PCDHA2: variants seen among roughly 807,000 people sequenced by gnomAD.
PCDHA2 encodes the protein protocadherin alpha 2.
In PCDHA2, 58 loss-of-function variants were observed where a neutral mutation model predicts 66.0. The observed-to-expected ratio is 0.88, with a 90% CI of 0.71 to 1.09. The LOEUF (loss-of-function observed/expected upper bound fraction) is 1.09, where lower values mean the gene tolerates loss of function less well. PCDHA2 is among the 50% of genes least tolerant of loss of function. The pLI, the probability that PCDHA2 is intolerant of heterozygous loss-of-function variation, is 0.00. For synonymous variants in PCDHA2, 634 were observed against 554.0 expected, an observed-to-expected ratio of 1.14 and a Z score of -2.03; for missense variants, 1,267 against 1,242.3, an observed-to-expected ratio of 1.02 and a Z score of -0.30.
chr5:140,926,170 C>T lies in PCDHA2; in HGVS notation c.2389-52779C>T, dbSNP rs558750358. 2.6e-5 allele frequency among the ~76,000 whole-genome samples: 4 copies of T among 151,860 alleles called. No homozygotes were observed. In the South Asian group the frequency reaches 6.6e-4, roughly 25 times the overall value. On this transcript the variant is annotated intron_variant, in intron 1 of 3. Coordinates refer to ENST00000526136, the MANE Select transcript of PCDHA2 (RefSeq NM_018905.3). ...CGGAAAGCTCTGCAGCAGGATCCAG[C>T]GCGGAAAGCCCCCCGCAGCACTTCT...
intron 1 of PCDHA2, among the ~76,000 whole-genome samples, chr5:140,964,891 G>A (rs76642459): frequency 0.016 from 2,494 of 152,302 alleles, 68 homozygotes; most frequent in African/African-American, 0.056. Context: ...AGTGATAGGA[G>A]GCTGGGCGCT....
At chr5:140,866,727 T>C (rs1254232410) in intron 1 of PCDHA2, 1 of 152,170 alleles carries the variant, frequency 6.6e-6, no homozygotes, top group East Asian at 1.9e-4. Context: ...CATTAAACTA[T>C]GCACTCTAAT....
rs2150411102 is a variant in PCDHA2, at chr5:140,848,487, G to A, written c.2388+51135G>A. 8 of 1,574,380 alleles carry A rather than the reference G, an allele frequency of 5.1e-6. No individual in the cohort carries two copies. The Admixed American group carries it at 1.2e-4, about 24-fold the overall frequency. On this transcript the variant is annotated intron_variant, in intron 1 of 3. Coordinates refer to ENST00000526136, the MANE Select transcript of PCDHA2 (RefSeq NM_018905.3). ...TTTTCACTAATTAGAAGAAGACTGA[G>A]TATTTGAAATGTTATACTCAAGTCG...
At chr5:140,828,164 A>T in intron 1 of PCDHA2, 2 of 1,614,130 alleles carry the variant, frequency 1.2e-6, no homozygotes, top group Non-Finnish European at 1.7e-6. Flanking sequence ...CGCAGCCTGG[A>T]AGGTGGGGAG....
At chr5:140,994,788 C>A (rs139745274) in intron 3 of PCDHA2, among the ~76,000 whole-genome samples, 6 of 152,076 alleles carry the variant, frequency 3.9e-5, no homozygotes, top group Admixed American at 3.9e-4. Flanking sequence ...GGAAACAATG[C>A]GTGCATGCAA....
At chr5:140,993,795 C>T (rs1301191394) in intron 3 of PCDHA2, among the ~76,000 whole-genome samples, 2 of 152,128 alleles carry the variant, frequency 1.3e-5, no homozygotes, top group African/African-American at 2.4e-5. Flanking sequence ...ACATGCTGTG[C>T]AGGTTTGTAG....
At chr5:140,813,435 T>C (rs1404458461) in intron 1 of PCDHA2, 6 of 152,198 alleles carry the variant, frequency 3.9e-5, no homozygotes, top group African/African-American at 1.4e-4. Flanking sequence ...CTGAATACTA[T>C]AGGGAATTGT....
intron 1 of PCDHA2, chr5:140,823,125 C>T (rs2150122536): frequency 2.0e-5 from 32 of 1,613,928 alleles, no homozygotes; most frequent in South Asian, 2.0e-4. Context: ...TGAACGACAA[C>T]GCTCCGGCGT....
chr5:140,879,612 G>T (rs1554170881), intron 1 of PCDHA2, among the ~76,000 whole-genome samples: 1 of 152,172 alleles, frequency 6.6e-6, no homozygotes, highest in East Asian at 1.9e-4. Context: ...ATGTGTCCAG[G>T]TACTTAGGTG....
At chr5:140,805,071 C>T in intron 1 of PCDHA2, 1 of 1,593,310 alleles carries the variant, frequency 6.3e-7, no homozygotes, top group Non-Finnish European at 8.5e-7. Flanking sequence ...TATGGAACTT[C>T]AATCTTCAAA....
At chr5:140,813,290 C>T (rs1028999226) in intron 1 of PCDHA2, 2 of 152,150 alleles carry the variant, frequency 1.3e-5, no homozygotes, top group South Asian at 4.1e-4. Flanking sequence ...TTGTATCATT[C>T]TGAGATTTCA....
At position 140,842,264 on chromosome 5, in the gene PCDHA2, T is replaced by G; in HGVS notation, c.2388+44912T>G. The G allele has an allele frequency of 1.9e-6, 3 of 1,610,762 alleles. No homozygotes were observed. The South Asian group carries it at 3.3e-5, about 18-fold the overall frequency. Reference sequence around the variant, plus strand: ...TAATTTGGATTTTGAACAAGAAAACTTATACAAAATCCTCATTGACGCCAC... The same window carrying G: ...TAATTTGGATTTTGAACAAGAAAACGTATACAAAATCCTCATTGACGCCAC... On this transcript the variant is annotated intron_variant, in intron 1 of 3. Transcript: ENST00000526136.
intron 1 of PCDHA2, chr5:140,807,093 A>C: frequency 7.3e-7 from 1 of 1,371,290 alleles, no homozygotes; most frequent in African/African-American, 1.4e-5. Context: ...AGTCTGAAAT[A>C]TGGAGGATGC....
At chr5:140,909,043 C>T (rs2074280472) in intron 1 of PCDHA2, among the ~76,000 whole-genome samples, 1 of 152,188 alleles carries the variant, frequency 6.6e-6, no homozygotes, top group Non-Finnish European at 1.5e-5. Flanking sequence ...TTTCCATACT[C>T]TGGCATGCAA....
rs151175650 is a variant in PCDHA2 at position 140,807,672 on chromosome 5, T to C, written c.2388+10320T>C. On this transcript the variant is annotated intron_variant, in intron 1 of 3. Transcript: ENST00000526136. ...CTAGAGGGCGCCTCGGATGCAGATA[T>C]CGGGGAGAACGCCCTGCTCACTTAC... 9.9e-5 allele frequency: 160 copies of C among 1,614,086 alleles called. No individual in the cohort carries two copies. The highest frequency in any genetic ancestry group is 1.3e-4 in the Non-Finnish European group (157 of 1,180,036).
chr5:140,978,887 A>T, intron 1 of PCDHA2, 62 bp from the exon 2 acceptor site: 1 of 1,611,648 alleles, frequency 6.2e-7, no homozygotes, highest in Non-Finnish European at 8.5e-7. Context: ...ATCAATTAGC[A>T]GCATTCCTGG....
chr5:141,009,562 C>G lies in PCDHA2; in HGVS notation c.2537-65C>G, dbSNP rs1469033090. On this transcript the variant is annotated intron_variant, in intron 3 of 3. Transcript: ENST00000526136. ...GCCTATGCAGTACTCCTGTACTCTA[C>G]CAGCAGTGTGGCATCAAGAGCATGT... The G allele has an allele frequency of 2.5e-6, 4 of 1,571,226 alleles. No individual in the cohort carries two copies. In the African/African-American group the frequency reaches 5.4e-5, roughly 21 times the overall value.
chr5:140,987,358 T>C (rs1554249108), intron 3 of PCDHA2, among the ~76,000 whole-genome samples: 2 of 152,208 alleles, frequency 1.3e-5, no homozygotes, highest in Non-Finnish European at 2.9e-5. Context: ...CCTGAGGTTG[T>C]CTTATATCAT....
At chr5:140,797,608 G>GA (rs1762247529) in intron 1 of PCDHA2, 1 of 496,430 alleles carries the variant, frequency 2.0e-6, no homozygotes, top group South Asian at 3.5e-5. Flanking sequence ...ATGAAACACT[G>GA]AAAAACACCT....
Sources: gnomAD v4.1 joint callset for allele counts (sites outside exome capture counted in the v4.1 genomes callset) on GRCh38, gnomAD v4.1.1 for gene constraint, MANE v1.5 for transcripts, NCBI Gene and HGNC (gene_info 2026-07-23, HGNC 2026-07-21) for gene names.